The following ABCA12 variants were observed in gnomAD, a reference collection of about 807,000 sequenced individuals.
ABCA12 encodes glucosylceramide transporter ABCA12.
Under a neutral mutation model 293.5 loss-of-function variants are expected in ABCA12, and 156 were observed. The ratio of observed to expected loss-of-function variants is 0.53; its 90% CI spans 0.47 to 0.61. The LOEUF is 0.61. Among genes scored for constraint, ABCA12 ranks in the 20% least tolerant of loss-of-function variants. The probability of loss-of-function intolerance (pLI) is 0.00; values close to 1 mark genes in which losing one functional copy is unlikely to be tolerated. For missense variants in ABCA12, 2,797 were observed against 3,090.2 expected (o/e 0.91, Z 2.25); for synonymous variants, 1,063 against 1,108.0 (o/e 0.96, Z 0.81).
At chr2:215,037,902 T>C (rs1007648295) in intron 7 of ABCA12, among the ~76,000 whole-genome samples, 3 of 152,212 alleles carry the variant, frequency 2.0e-5, no homozygotes, top group African/African-American at 7.2e-5. Context: ...TAGGCTTTTG[T>C]TAAAAATTTG....
chr2:215,114,271 C>A (rs1357756085), intron 1 of ABCA12, among the ~76,000 whole-genome samples: 19 of 152,156 alleles, frequency 1.2e-4, no homozygotes, highest in Non-Finnish European at 1.2e-4. Flanking sequence ...CCGCACCCGG[C>A]CAAATTTGCT....
intron 23 of ABCA12, among the ~76,000 whole-genome samples, chr2:214,994,751 C>G (rs1236005138): frequency 6.6e-6 from 1 of 151,972 alleles, no homozygotes; most frequent in African/African-American, 2.4e-5. Flanking sequence ...CAGGAAAGCA[C>G]AAAAAAATTG....
chr2:214,993,421 T>C (rs1487087456), intron 23 of ABCA12, among the ~76,000 whole-genome samples: 1 of 152,258 alleles, frequency 6.6e-6, no homozygotes, highest in Admixed American at 6.5e-5. Flanking sequence ...ATTCCAGCAA[T>C]TCTTTGCGTG....
chr2:215,052,151 G>A (rs547007387), intron 5 of ABCA12, among the ~76,000 whole-genome samples: 7 of 152,170 alleles, frequency 4.6e-5, no homozygotes, highest in Middle Eastern at 3.4e-3. Context: ...CAGCAAATTC[G>A]AAGAGCATTA....
At chr2:215,131,591 C>G (rs1422928933) in intron 1 of ABCA12, among the ~76,000 whole-genome samples, 1 of 151,414 alleles carries the variant, frequency 6.6e-6, no homozygotes, top group Non-Finnish European at 1.5e-5. Flanking sequence ...TCATCTTTAT[C>G]ATTTCTAGTA....
chr2:215,040,829 AC>A (rs1337650061), intron 7 of ABCA12, among the ~76,000 whole-genome samples: 10 of 129,370 alleles, frequency 7.7e-5, no homozygotes, highest in African/African-American at 3.2e-4. Flanking sequence ...AAACAAAAAA[AC>A]AAAAAAACAA....
At chr2:214,981,514 T>G (rs1451108324) in intron 30 of ABCA12, among the ~76,000 whole-genome samples, 1 of 152,162 alleles carries the variant, frequency 6.6e-6, no homozygotes, top group Non-Finnish European at 1.5e-5. Context: ...AAACTTCTGT[T>G]GGATTTGCAT....
rs10541959 is a variant in ABCA12 at position 215,064,693 on chromosome 2, GCACACA to G, written c.164-480_164-475del. On this transcript the variant is annotated intron_variant, in intron 2 of 52. Coordinates refer to ENST00000272895, the MANE Select transcript of ABCA12 (RefSeq NM_173076.3). ...GAAGAGTCCTAATCTTTTAATACAC[GCACACA>G]CACACACACACACACACACACACAC... Among the ~76,000 whole-genome samples the G allele has an allele frequency of 5.2e-3, 729 of 139,990 alleles. 3 individuals are homozygous for G. The highest frequency in any genetic ancestry group is 0.017 in the African/African-American group (617 of 35,612). The allele number at this position is 139,990 out of a possible 152,430, so 91.8% of individuals were successfully genotyped here.
intron 14 of ABCA12, chr2:215,017,761 GA>G (rs1700538159): frequency 2.1e-6 from 1 of 478,182 alleles, no homozygotes; most frequent in African/African-American, 2.0e-5. Context: ...TAAGGAAAAG[GA>G]AAGAACAAAT....
intron 2 of ABCA12, among the ~76,000 whole-genome samples, chr2:215,111,243 T>A (rs969637444): frequency 6.6e-6 from 1 of 152,254 alleles, no homozygotes; most frequent in Admixed American, 6.5e-5. Flanking sequence ...TACAAGACTA[T>A]GGTTTCCATT....
chr2:215,094,772 GC>G (rs1166528486), intron 2 of ABCA12, among the ~76,000 whole-genome samples: 1 of 149,706 alleles, frequency 6.7e-6, no homozygotes, highest in Admixed American at 6.6e-5. Context: ...AAATCGAACC[GC>G]CCCCTCTACC....
intron 22 of ABCA12, among the ~76,000 whole-genome samples, chr2:214,998,433 C>T (rs1700078844): frequency 1.3e-5 from 2 of 152,290 alleles, no homozygotes; most frequent in East Asian, 1.9e-4. Flanking sequence ...GCTGGGATTA[C>T]AGGCATGAGT....
rs747417909 is a variant in ABCA12 at position 214,956,789 on chromosome 2, A to G, written c.6118-11T>C. 1.1e-5 allele frequency: 18 copies of G among 1,570,104 alleles called. No homozygotes were observed. Among genetic ancestry groups the G allele is most frequent in the Non-Finnish European group, 1.5e-5 (17 of 1,140,752 alleles). On this transcript the variant is annotated splice_polypyrimidine_tract_variant and intron_variant, in intron 41 of 52. Coordinates refer to ENST00000272895, the MANE Select transcript of ABCA12 (RefSeq NM_173076.3). ...CACCAAGTAGAAAACCTATGGAAAT[A>G]TTCAAAACAATGTTTAATACGTGAC...
chr2:215,076,454 A>G (rs1215754626), intron 2 of ABCA12, among the ~76,000 whole-genome samples: 1 of 152,182 alleles, frequency 6.6e-6, no homozygotes, highest in East Asian at 1.9e-4. Flanking sequence ...TCAGCAAAAT[A>G]CACAGGAAAA....
In ABCA12 at chr2:214,953,987, A is replaced by T. The variant is rs747590822; in HGVS notation, c.6514T>A (p.Tyr2172Asn). The T allele has an allele frequency of 6.2e-7, 1 of 1,613,992 alleles. No individual in the cohort carries two copies. The highest frequency in any genetic ancestry group is 8.5e-7 in the Non-Finnish European group (1 of 1,179,990). ...QQSVLDFLKA[Y>N]GVEYPNETFE... ...GTTTCATTTGGGTATTCCACTCCAT[A>T]TGCTTTTAAGAAGTCTAGGACCGAC... Residue 2172 changes from tyrosine to asparagine, a missense_variant, in exon 44 of 53, where the codon TAT (tyrosine) becomes AAT (asparagine). Physicochemically the swap from Tyr to Asn is moderately radical, Grantham distance 143. Around this residue, in one of 3 missense-constraint regions of ABCA12, gnomAD observed 2,130 missense variants for 2,427.0 expected, o/e 0.88. Coordinates refer to ENST00000272895, the MANE Select transcript of ABCA12 (RefSeq NM_173076.3).
intron 2 of ABCA12, among the ~76,000 whole-genome samples, chr2:215,096,351 C>G (rs950571349): frequency 1.3e-5 from 2 of 152,174 alleles, no homozygotes; most frequent in Non-Finnish European, 2.9e-5. Context: ...GTACCCTGAT[C>G]AAAGGCCCAG....
In ABCA12 at chr2:214,953,837, G is replaced by A. The variant is rs1235930183; in HGVS notation, c.6647+17C>T. On this transcript the variant is annotated intron_variant, in intron 44 of 52. Coordinates refer to ENST00000272895, the MANE Select transcript of ABCA12 (RefSeq NM_173076.3). ...TTCTGTTTTAGATGTCAAACGTTAT[G>A]TTTTCATTATATTTACCTGAGTTTC... The A allele has an allele frequency of 3.1e-6, 5 of 1,612,056 alleles. No individual in the cohort carries two copies. In the Admixed American group the frequency reaches 5.0e-5, roughly 16 times the overall value.
chr2:215,086,540 A>C (rs542453228), intron 2 of ABCA12, among the ~76,000 whole-genome samples: 1 of 152,280 alleles, frequency 6.6e-6, no homozygotes, highest in East Asian at 1.9e-4. Context: ...ATGTACCTCC[A>C]CCTTTACATG....
intron 29 of ABCA12, 139 bp downstream of exon 29, chr2:214,983,508 A>T: frequency 1.2e-6 from 1 of 820,100 alleles, no homozygotes; most frequent in South Asian, 1.5e-5. Flanking sequence ...TTGCAATATT[A>T]AATAAGTAGA....
Sources: gnomAD v4.1 joint callset for allele counts (sites outside exome capture counted in the v4.1 genomes callset) on GRCh38, gnomAD v4.1.1 for gene constraint, gnomAD v4.1.1 regional missense constraint, MANE v1.5 for transcripts, NCBI Gene and HGNC (gene_info 2026-07-23, HGNC 2026-07-21) for gene names.